Variants in VPS13C observed in about 807,000 individuals in gnomAD.
VPS13C encodes intermembrane lipid transfer protein VPS13C.
VPS13C carries 358 observed loss-of-function variants against 456.8 expected under a neutral mutation model. That is an observed-to-expected ratio of 0.78 (90% CI 0.72 to 0.86). VPS13C has a LOEUF of 0.86. VPS13C is among the 40% of genes least tolerant of loss of function. VPS13C has a pLI of 0.00. For missense variants in VPS13C, 4,818 were observed against 4,385.4 expected (o/e 1.10, Z -2.79); for synonymous variants, 1,578 against 1,486.7 (o/e 1.06, Z -1.41).
At chr15:62,046,784 T>G (rs1046988319) in intron 1 of VPS13C, among the ~76,000 whole-genome samples, 9 of 152,238 alleles carry the variant, frequency 5.9e-5, no homozygotes, top group African/African-American at 2.2e-4. Flanking sequence ...ACTTGTTTGA[T>G]CAAGTAGTAG....
chr15:62,035,114 TCA>T (rs2047947060), intron 3 of VPS13C, 62 bp from the exon 4 acceptor site: 7 of 1,241,186 alleles, frequency 5.6e-6, no homozygotes, highest in Non-Finnish European at 8.1e-6. Flanking sequence ...CAAAAATTTC[TCA>T]CTTTCCATTA....
At chr15:61,999,643 A>G (rs2046530853) in intron 16 of VPS13C, among the ~76,000 whole-genome samples, 1 of 152,106 alleles carries the variant, frequency 6.6e-6, no homozygotes, top group South Asian at 2.1e-4. Context: ...TAATTTTTCT[A>G]CAATGAGTTA....
At chr15:61,937,650 A>G (rs2044272538) in intron 47 of VPS13C, among the ~76,000 whole-genome samples, 2 of 152,082 alleles carry the variant, frequency 1.3e-5, no homozygotes, top group Admixed American at 1.3e-4. Flanking sequence ...AATTTTTTGT[A>G]TTTTTAGTAG....
At chr15:61,945,442 T>A (rs138509361) in intron 45 of VPS13C, among the ~76,000 whole-genome samples, 2 of 152,172 alleles carry the variant, frequency 1.3e-5, no homozygotes, top group African/African-American at 4.8e-5. Context: ...CAAGTTACAG[T>A]GGAAAGCCCT....
chr15:61,896,806 G>T (rs2140096613), intron 66 of VPS13C, among the ~76,000 whole-genome samples: 1 of 152,236 alleles, frequency 6.6e-6, no homozygotes, highest in South Asian at 2.1e-4. Flanking sequence ...GCAGGGCACA[G>T]ACAAACAAAA....
intron 30 of VPS13C, among the ~76,000 whole-genome samples, chr15:61,965,250 CTAT>C (rs1458225709): frequency 6.6e-6 from 1 of 151,866 alleles, no homozygotes; most frequent in Non-Finnish European, 1.5e-5. Flanking sequence ...TGTGCTACTA[CTAT>C]GTCTAGAAAT....
intron 15 of VPS13C, among the ~76,000 whole-genome samples, chr15:62,006,100 AT>A (rs35752161): frequency 0.036 from 4,078 of 113,092 alleles, 180 homozygotes; most frequent in African/African-American, 0.1. Flanking sequence ...AGAAATTCTT[AT>A]TTTTTTTTTA....
chr15:61,906,816 G>C (rs1365788752), intron 66 of VPS13C: 2 of 170,152 alleles, frequency 1.2e-5, no homozygotes, highest in African/African-American at 2.4e-5. Flanking sequence ...ATATTGTTTC[G>C]ATAAATATTT....
chr15:61,974,544 T>C, intron 24 of VPS13C, 127 bp from the exon 25 acceptor site: 1 of 926,956 alleles, frequency 1.1e-6, no homozygotes, highest in Non-Finnish European at 1.5e-6. Flanking sequence ...ATTACACTAA[T>C]GCCTCATTTA....
chr15:61,974,117 GT>G (rs1165550756), intron 25 of VPS13C, among the ~76,000 whole-genome samples, 170 bp downstream of exon 25: 2 of 151,950 alleles, frequency 1.3e-5, no homozygotes, highest in African/African-American at 4.8e-5. Context: ...GTTTTTGTTA[GT>G]TTTTTTCCCC....
intron 1 of VPS13C, among the ~76,000 whole-genome samples, chr15:62,054,618 G>T (rs1457901364): frequency 6.6e-6 from 1 of 151,986 alleles, no homozygotes; most frequent in Non-Finnish European, 1.5e-5. Flanking sequence ...AATACATAAT[G>T]CAGGGCTTAA....
chr15:61,993,413 A>C (rs2046285599), intron 16 of VPS13C, among the ~76,000 whole-genome samples: 1 of 152,038 alleles, frequency 6.6e-6, no homozygotes, highest in South Asian at 2.1e-4. Flanking sequence ...AATTAACTGA[A>C]ATTAACCTTT....
intron 18 of VPS13C, among the ~76,000 whole-genome samples, chr15:61,987,586 C>A (rs1036800436): frequency 6.6e-6 from 1 of 151,974 alleles, no homozygotes; most frequent in African/African-American, 2.4e-5. Context: ...TGGTGAGGGG[C>A]GGATTATGGG....
At chr15:62,040,073 T>C (rs1226308920) in intron 3 of VPS13C, among the ~76,000 whole-genome samples, 3 of 152,108 alleles carry the variant, frequency 2.0e-5, no homozygotes, top group Non-Finnish European at 2.9e-5. Context: ...TGGATGGAAC[T>C]GGGGGTCATT....
At position 62,058,742 on chromosome 15, in the gene VPS13C, G is replaced by A. The variant is rs556567841; in HGVS notation, c.100+1533C>T. ...GCAAACCACAGTGAACCAATCAAAT[G>A]ATCAGCCACCTATTAAAAACAGGCT... On this transcript the variant is annotated intron_variant, in intron 1 of 84. Transcript: ENST00000644861. 7.9e-5 allele frequency among the ~76,000 whole-genome samples: 12 copies of A among 152,254 alleles called. No individual in the cohort carries two copies. In the East Asian group the frequency reaches 2.3e-3, roughly 29 times the overall value.
chr15:62,034,730 T>C (rs2047928297), intron 4 of VPS13C, among the ~76,000 whole-genome samples: 2 of 151,854 alleles, frequency 1.3e-5, no homozygotes, highest in South Asian at 4.1e-4. Context: ...ACAGAATAAA[T>C]TGAAAAAATG....
chr15:61,940,707 T>C lies in VPS13C; in HGVS notation c.5541A>G (p.Ala1847=). 6.2e-7 allele frequency: 1 copy of C among 1,613,936 alleles called. No individual in the cohort carries two copies. Among genetic ancestry groups the C allele is most frequent in the Non-Finnish European group, 8.5e-7 (1 of 1,179,916 alleles). The part of the protein sequence containing the change: ...NMLLSIQRNL[A]AAWYVQIPGM... ...CTGGAATTTGCACATACCATGCTGCTGCTAAGTTTCGCTGTATGGACAAAA... is the reference window on the plus strand; with the variant it reads ...CTGGAATTTGCACATACCATGCTGCCGCTAAGTTTCGCTGTATGGACAAAA... Residue 1847 remains alanine, a synonymous_variant, in exon 47 of 85, where the codon GCA becomes GCG. Transcript: ENST00000644861.
chr15:61,924,511 C>A (rs919087199), intron 53 of VPS13C, among the ~76,000 whole-genome samples: 2 of 152,106 alleles, frequency 1.3e-5, no homozygotes, highest in Non-Finnish European at 2.9e-5. Context: ...AGCTCAAAAA[C>A]GTTTTTTGAA....
intron 18 of VPS13C, among the ~76,000 whole-genome samples, chr15:61,988,790 G>A (rs765176642): frequency 3.9e-5 from 6 of 152,194 alleles, no homozygotes; most frequent in East Asian, 1.9e-4. Context: ...CTTAACTGAT[G>A]ATAAAGAGGT....
Sources: gnomAD v4.1 joint callset for allele counts (sites outside exome capture counted in the v4.1 genomes callset) on GRCh38, gnomAD v4.1.1 for gene constraint, MANE v1.5 for transcripts, NCBI Gene and HGNC (gene_info 2026-07-23, HGNC 2026-07-21) for gene names.